GRXCR1: variants seen among roughly 807,000 people sequenced by gnomAD.
GRXCR1 encodes the protein glutaredoxin domain-containing cysteine-rich protein 1.
In GRXCR1, 27 loss-of-function variants were observed where a neutral mutation model predicts 27.3. The ratio of observed to expected loss-of-function variants is 0.99; its 90% CI spans 0.73 to 1.37. The LOEUF is 1.37. Ranked by LOEUF, GRXCR1 falls within the 40% of genes most tolerant of loss-of-function variation. The pLI is 0.00. For missense variants in GRXCR1, 379 were observed against 354.4 expected (o/e 1.07, Z -0.56); for synonymous variants, 122 against 131.1 (o/e 0.93, Z 0.47).
intron 3 of GRXCR1, among the ~76,000 whole-genome samples, chr4:43,023,658 C>T (rs1466841182): frequency 6.6e-6 from 1 of 152,094 alleles, no homozygotes; most frequent in African/African-American, 2.4e-5. Flanking sequence ...GATGTGAGCT[C>T]CATGTGAACA....
intron 1 of GRXCR1, among the ~76,000 whole-genome samples, chr4:42,938,182 G>A (rs1292389025): frequency 1.3e-5 from 2 of 151,968 alleles, no homozygotes; most frequent in African/African-American, 4.8e-5. Flanking sequence ...TGTGAAGCTT[G>A]TCTTTCTGTG....
chr4:42,992,058 C>T (rs924537809), intron 2 of GRXCR1, among the ~76,000 whole-genome samples: 1 of 151,996 alleles, frequency 6.6e-6, no homozygotes, highest in Non-Finnish European at 1.5e-5. Flanking sequence ...GTTTTTAATC[C>T]TTTTCCAATT....
In GRXCR1 at chr4:42,945,841, T is replaced by G. The variant is rs563065175; in HGVS notation, c.385-17051T>G. Among the ~76,000 whole-genome samples the G allele has an allele frequency of 9.2e-5, 14 of 152,280 alleles. 1 individual carries two copies. The highest frequency in any genetic ancestry group is 2.9e-4 in the African/African-American group (12 of 41,566). On this transcript the variant is annotated intron_variant, in intron 1 of 3. Coordinates refer to ENST00000399770, the MANE Select transcript of GRXCR1 (RefSeq NM_001080476.3). Reference sequence around the variant, plus strand: ...TCCTTTCTCTTCTCACAAATACATGTTTTTGAGCATCACTTTACTGTCTTA... The same window carrying G: ...TCCTTTCTCTTCTCACAAATACATGGTTTTGAGCATCACTTTACTGTCTTA...
rs1391724194 is a variant in GRXCR1, at chr4:42,893,270, C to T, written c.4C>T (p.Leu2Phe). 1 of 1,613,378 alleles carries T rather than the reference C, an allele frequency of 6.2e-7. No homozygotes were observed. The highest frequency in any genetic ancestry group is 8.5e-7 in the Non-Finnish European group (1 of 1,179,668). Residue 2 changes from leucine (L) to phenylalanine (F), a missense_variant, in exon 1 of 4, where the codon CTT (leucine) becomes TTT (phenylalanine). By Grantham distance (22) the Leu-to-Phe change is conservative (BLOSUM62 0). Coordinates refer to ENST00000399770, the MANE Select transcript of GRXCR1 (RefSeq NM_001080476.3). M[L>F]KREMKPESDR... ...GTTCATATGGGTGGAGGTGACCATG[C>T]TTAAAAGGGAGATGAAGCCAGAAAG...
intron 1 of GRXCR1, among the ~76,000 whole-genome samples, chr4:42,900,875 C>G (rs1746445550): frequency 6.6e-6 from 1 of 152,086 alleles, no homozygotes; most frequent in Non-Finnish European, 1.5e-5. Flanking sequence ...TCATGAGGGT[C>G]CCAGAACTAA....
At chr4:42,934,323 G>C (rs1489650383) in intron 1 of GRXCR1, among the ~76,000 whole-genome samples, 3 of 151,500 alleles carry the variant, frequency 2.0e-5, no homozygotes, top group Non-Finnish European at 4.4e-5. Context: ...ATACTAAGCA[G>C]TAAAAAGTGC....
intron 1 of GRXCR1, among the ~76,000 whole-genome samples, chr4:42,955,174 C>T (rs1007886070): frequency 2.0e-5 from 3 of 152,062 alleles, no homozygotes; most frequent in Non-Finnish European, 2.9e-5. Flanking sequence ...TGCCTACTGA[C>T]GTGCTGTATT....
chr4:42,996,906 C>A (rs1257818568), intron 2 of GRXCR1, among the ~76,000 whole-genome samples: 4 of 151,998 alleles, frequency 2.6e-5, no homozygotes, highest in Non-Finnish European at 5.9e-5. Context: ...TCTTATCCTT[C>A]ACAATGGGAT....
rs183126181 is a variant in GRXCR1, at chr4:43,012,284, C to T, written c.628-8070C>T. Among the ~76,000 whole-genome samples the T allele has an allele frequency of 2.0e-4, 30 of 152,256 alleles. No individual in the cohort carries two copies. In the East Asian group the frequency reaches 5.4e-3, roughly 27 times the overall value. On this transcript the variant is annotated intron_variant, in intron 2 of 3. Transcript: ENST00000399770. ...CTGTGGAATTTTATGACTGGAACATCCTCAAATTTCATGCTACCTTTTCAT... is the reference window on the plus strand; with the variant it reads ...CTGTGGAATTTTATGACTGGAACATTCTCAAATTTCATGCTACCTTTTCAT...
intron 2 of GRXCR1, among the ~76,000 whole-genome samples, chr4:43,003,008 T>A (rs1037597864): frequency 3.9e-5 from 6 of 152,152 alleles, no homozygotes; most frequent in African/African-American, 1.4e-4. Context: ...ATATGATGGT[T>A]TAAAAGTGTG....
In GRXCR1 at chr4:42,933,678, C is replaced by T. The variant is rs138482784; in HGVS notation, c.385-29214C>T. Among the ~76,000 whole-genome samples, 81 of 151,838 alleles carry T rather than the reference C, an allele frequency of 5.3e-4. 1 individual carries two copies. Among genetic ancestry groups the T allele is most frequent in the African/African-American group, 1.9e-3 (79 of 41,460 alleles). On this transcript the variant is annotated intron_variant, in intron 1 of 3. Coordinates refer to ENST00000399770, the MANE Select transcript of GRXCR1 (RefSeq NM_001080476.3). ...GGATTTGTGCCTTTATAAAAGAGAC[C>T]CCAGAGCACAGAGACTCCCTTTCAC...
intron 2 of GRXCR1, among the ~76,000 whole-genome samples, chr4:43,006,065 T>C (rs1712547476): frequency 1.3e-5 from 2 of 152,204 alleles, no homozygotes; most frequent in Non-Finnish European, 2.9e-5. Flanking sequence ...CTACAATCTC[T>C]AAACATACAT....
Position 42,943,625 on chromosome 4 carries a change from GAAC to G in GRXCR1, c.385-19256_385-19254del, listed in dbSNP as rs373981790. Among the ~76,000 whole-genome samples, 58 of 152,070 alleles carry G rather than the reference GAAC, an allele frequency of 3.8e-4. 2 individuals carry two copies. In the East Asian group the frequency reaches 8.9e-3, roughly 23 times the overall value. On this transcript the variant is annotated intron_variant, in intron 1 of 3. Transcript: ENST00000399770. The stretch of plus-strand genomic sequence containing the variant: ...AACTAAACCAAAGTTATGAAAATGA[GAAC>G]AACAACAACAGCAATGACAGATTTA...
In GRXCR1 at chr4:42,962,980, T is replaced by A; in HGVS notation, c.473T>A (p.Leu158Gln). The A allele has an allele frequency of 6.2e-7, 1 of 1,612,736 alleles. No homozygotes were observed. Among genetic ancestry groups the A allele is most frequent in the Non-Finnish European group, 8.5e-7 (1 of 1,179,040 alleles). The change falls in exon 2 of 4, where the codon CTG (leucine) becomes CAG (glutamine). Residue 158 changes from leucine (L) to glutamine (Q), a missense_variant. Physicochemically the swap from Leu to Gln is moderately radical, Grantham distance 113. Transcript: ENST00000399770. ...CGGACAACCTTTGAAAGATGTGAAC[T>A]GGTTAGAAAGATTTTCCAAAACCAT... ...VVRTTFERCE[L>Q]VRKIFQNHRV...
At chr4:42,897,630 A>T (rs1249869784) in intron 1 of GRXCR1, among the ~76,000 whole-genome samples, 1 of 151,826 alleles carries the variant, frequency 6.6e-6, no homozygotes, top group East Asian at 1.9e-4. Context: ...TTGTGGAAAA[A>T]CCTAAGGACT....
intron 1 of GRXCR1, among the ~76,000 whole-genome samples, chr4:42,919,844 A>G (rs1746969023): frequency 6.6e-6 from 1 of 152,138 alleles, no homozygotes; most frequent in Non-Finnish European, 1.5e-5. Context: ...TTTCTTCATC[A>G]TTTATATTAT....
intron 2 of GRXCR1, among the ~76,000 whole-genome samples, chr4:42,983,436 G>T (rs1272262467): frequency 5.9e-5 from 9 of 151,304 alleles, no homozygotes; most frequent in African/African-American, 1.5e-4. Context: ...GGTACCAGTA[G>T]CATGCTGTTT....
At chr4:42,974,934 T>A (rs1203679383) in intron 2 of GRXCR1, among the ~76,000 whole-genome samples, 1 of 152,124 alleles carries the variant, frequency 6.6e-6, no homozygotes. Flanking sequence ...TGAGATCTTA[T>A]TGCCACAAGT....
chr4:42,915,601 G>A (rs1326732074), intron 1 of GRXCR1, among the ~76,000 whole-genome samples: 1 of 152,040 alleles, frequency 6.6e-6, no homozygotes, highest in South Asian at 2.1e-4. Flanking sequence ...AGAGTAGCTT[G>A]GCTCAGGTCC....
Sources: allele counts gnomAD v4.1 joint callset (sites outside exome capture counted in the v4.1 genomes callset), GRCh38; gene constraint gnomAD v4.1.1; transcripts MANE v1.5; gene names NCBI Gene and HGNC (gene_info 2026-07-23, HGNC 2026-07-21).